The following NFATC3 variants were observed in gnomAD, a reference collection of about 807,000 sequenced individuals.
NFATC3 encodes nuclear factor of activated T-cells, cytoplasmic 3.
Under a neutral mutation model 98.6 loss-of-function variants are expected in NFATC3, and 46 were observed. The observed-to-expected ratio is 0.47, with a 90% confidence interval of 0.37 to 0.60. The LOEUF (loss-of-function observed/expected upper bound fraction) is 0.60, where lower values mean the gene tolerates loss of function less well. Ranked by LOEUF, NFATC3 falls within the 20% of genes least tolerant of loss-of-function variation. NFATC3 has a pLI of 0.00. For synonymous variants in NFATC3, 512 were observed against 472.2 expected (o/e 1.08, Z -1.09); for missense variants, 1,256 against 1,295.5 (o/e 0.97, Z 0.47).
At chr16:68,104,391 T>C (rs1461399256) in intron 1 of NFATC3, among the ~76,000 whole-genome samples, 1 of 152,220 alleles carries the variant, frequency 6.6e-6, no homozygotes, top group Non-Finnish European at 1.5e-5. Context: ...GCACCTTTAA[T>C]GAATTCATTT....
chr16:68,167,807 G>GTTTTTTT (rs1263970399), intron 5 of NFATC3, among the ~76,000 whole-genome samples: 21 of 23,624 alleles, frequency 8.9e-4, no homozygotes, highest in Non-Finnish European at 1.9e-3. Flanking sequence ...AACCGTATGT[G>GTTTTTTT]TTCTTTTTTT....
At chr16:68,086,216 C>T (rs1473610927) in intron 1 of NFATC3, among the ~76,000 whole-genome samples, 2 of 152,144 alleles carry the variant, frequency 1.3e-5, no homozygotes, top group African/African-American at 4.8e-5. Context: ...TAGGACCCCT[C>T]TAAAAATCAG....
intron 1 of NFATC3, among the ~76,000 whole-genome samples, chr16:68,101,186 A>G (rs181659541): frequency 2.6e-5 from 4 of 152,096 alleles, no homozygotes; most frequent in South Asian, 4.1e-4. Flanking sequence ...CGTGTTGCCC[A>G]GGATGGAGTG....
intron 3 of NFATC3, among the ~76,000 whole-genome samples, chr16:68,132,845 T>C (rs1008411873): frequency 1.3e-5 from 2 of 152,296 alleles, no homozygotes; most frequent in Admixed American, 6.5e-5. Context: ...ATTTTCGTTA[T>C]CAGAGGCTGA....
chr16:68,219,667 A>G (rs2041782771), intron 9 of NFATC3, among the ~76,000 whole-genome samples: 2 of 152,246 alleles, frequency 1.3e-5, no homozygotes, highest in African/African-American at 4.8e-5. Context: ...AAAGAATAAC[A>G]TGACCAAACT....
chr16:68,209,003 T>G (rs1320380414), intron 9 of NFATC3, among the ~76,000 whole-genome samples: 2 of 152,214 alleles, frequency 1.3e-5, no homozygotes, highest in Non-Finnish European at 1.5e-5. Context: ...ACCTAATTGC[T>G]CTGGCTAGAA....
chr16:68,137,162 G>T (rs2037464053), intron 3 of NFATC3, among the ~76,000 whole-genome samples: 1 of 151,984 alleles, frequency 6.6e-6, no homozygotes, highest in South Asian at 2.1e-4. Flanking sequence ...TTTGTCTTTT[G>T]TAGTAACAGT....
Position 68,191,495 on chromosome 16 carries a change from A to C in NFATC3, c.2826A>C (p.Pro942=). Reference sequence around the variant, plus strand: ...TGGCTAGTTCACCGCTTTCTGGGCCACCATCTCCTCAGCTTCAGCCTATGC... The same window carrying C: ...TGGCTAGTTCACCGCTTTCTGGGCCCCCATCTCCTCAGCTTCAGCCTATGC... ...HPLASSPLSG[P]PSPQLQPMPY... The change falls in exon 9 of 10, where the codon CCA becomes CCC. Residue 942 remains proline (P), a synonymous_variant. Coordinates refer to ENST00000346183, the MANE Select transcript of NFATC3 (RefSeq NM_173165.3). 6.2e-7 allele frequency: 1 copy of C among 1,614,048 alleles called. No homozygotes were observed. The highest frequency in any genetic ancestry group is 8.5e-7 in the Non-Finnish European group (1 of 1,180,020).
At position 68,191,157 on chromosome 16, in the gene NFATC3, G is replaced by C. The variant is rs1158929358; in HGVS notation, c.2488G>C (p.Val830Leu). Residue 830 changes from valine to leucine, a missense_variant, in exon 9 of 10, where the codon GTT (valine) becomes CTT (leucine). Val to Leu is a conservative substitution (Grantham distance 32, BLOSUM62 1). This residue lies in a region of NFATC3 where 636 missense variants were observed against 617.3 expected (regional missense o/e 1.03). Coordinates refer to ENST00000346183, the MANE Select transcript of NFATC3 (RefSeq NM_173165.3). Reference protein sequence around the residue: ...NAASSQEFDSVLFQQDATLSG... With the variant: ...NAASSQEFDSLLFQQDATLSG... ...TGCCTCTAGTCAAGAATTTGATTCA[G>C]TTTTGTTTCAGCAGGATGCAACTCT... The C allele has an allele frequency of 6.2e-7, 1 of 1,614,172 alleles. No homozygotes were observed. Among genetic ancestry groups the C allele is most frequent in the South Asian group, 1.1e-5 (1 of 91,086 alleles).
chr16:68,115,970 C>T (rs2036256766), intron 1 of NFATC3, among the ~76,000 whole-genome samples: 1 of 152,144 alleles, frequency 6.6e-6, no homozygotes, highest in Non-Finnish European at 1.5e-5. Flanking sequence ...TATACGTATG[C>T]ATTGCACTCA....
At position 68,148,936 on chromosome 16, in the gene NFATC3, G is replaced by C. The variant is rs553027921; in HGVS notation, c.1402-8933G>C. On this transcript the variant is annotated intron_variant, in intron 3 of 9. Coordinates refer to ENST00000346183, the MANE Select transcript of NFATC3 (RefSeq NM_173165.3). ...AGGCAGAAGAATTGCTTGAACCTGG[G>C]AGGTGGAGGTTGCAGCACCACTGCA... 2.0e-5 allele frequency among the ~76,000 whole-genome samples: 3 copies of C among 152,258 alleles called. No individual in the cohort carries two copies. In the East Asian group the frequency reaches 5.8e-4, roughly 29 times the overall value.
At chr16:68,190,253 C>T (rs903397712) in intron 8 of NFATC3, among the ~76,000 whole-genome samples, 1 of 152,090 alleles carries the variant, frequency 6.6e-6, no homozygotes, top group Non-Finnish European at 1.5e-5. Flanking sequence ...CATTGTAAAG[C>T]AGAAGTTCTA....
intron 6 of NFATC3, among the ~76,000 whole-genome samples, chr16:68,177,790 C>A (rs1482136872): frequency 6.6e-6 from 1 of 152,014 alleles, no homozygotes; most frequent in East Asian, 1.9e-4. Context: ...TCTCTTAAAT[C>A]TGTCATCCTC....
At chr16:68,207,848 A>G (rs771799879) in intron 9 of NFATC3, among the ~76,000 whole-genome samples, 3 of 152,074 alleles carry the variant, frequency 2.0e-5, no homozygotes, top group Non-Finnish European at 4.4e-5. Context: ...TAAGGCTTTC[A>G]GTTTCTTTAT....
intron 1 of NFATC3, among the ~76,000 whole-genome samples, chr16:68,088,247 G>T (rs1441685187): frequency 6.6e-6 from 1 of 150,694 alleles, no homozygotes; most frequent in Non-Finnish European, 1.5e-5. Context: ...GTTCCTTGAG[G>T]TCGGGGATAG....
intron 1 of NFATC3, among the ~76,000 whole-genome samples, chr16:68,093,421 A>G (rs1030690982): frequency 4.6e-5 from 7 of 152,108 alleles, no homozygotes; most frequent in African/African-American, 1.7e-4. Context: ...CAAAACAGAG[A>G]CCCAGGACTT....
At chr16:68,105,089 G>A (rs970216398) in intron 1 of NFATC3, among the ~76,000 whole-genome samples, 1 of 149,472 alleles carries the variant, frequency 6.7e-6, no homozygotes, top group African/African-American at 2.5e-5. Flanking sequence ...GTGACTGTGT[G>A]GGTTTTTTTT....
chr16:68,109,157 T>G (rs1357340720), intron 1 of NFATC3, among the ~76,000 whole-genome samples: 3 of 152,210 alleles, frequency 2.0e-5, no homozygotes, highest in Non-Finnish European at 4.4e-5. Context: ...GTGTCAATAT[T>G]CAAGGGGAAC....
At position 68,157,214 on chromosome 16, in the gene NFATC3, CTCTCCT is replaced by C. The variant is rs559764273; in HGVS notation, c.1402-644_1402-639del. Among the ~76,000 whole-genome samples, 32 of 151,422 alleles carry C rather than the reference CTCTCCT, an allele frequency of 2.1e-4. No individual in the cohort carries two copies. The East Asian group carries it at 5.3e-3, about 25-fold the overall frequency. Reference sequence around the variant, plus strand: ...ATTCTCTCTCTCTGTCTCTGTCTCTCTCTCCTTCTCCTTCTCTCCCTCTCTCCCTCT... The same window carrying C: ...ATTCTCTCTCTCTGTCTCTGTCTCTCTCTCCTTCTCTCCCTCTCTCCCTCT... On this transcript the variant is annotated intron_variant, in intron 3 of 9. Coordinates refer to ENST00000346183, the MANE Select transcript of NFATC3 (RefSeq NM_173165.3).
Sources: allele counts gnomAD v4.1 joint callset (sites outside exome capture counted in the v4.1 genomes callset), GRCh38; gene constraint gnomAD v4.1.1; regional missense constraint gnomAD v4.1.1; transcripts MANE v1.5; gene names NCBI Gene and HGNC (gene_info 2026-07-23, HGNC 2026-07-21).